Variants in TNRC18 observed in about 807,000 individuals in gnomAD.
The protein encoded by TNRC18 is trinucleotide repeat containing 18.
In TNRC18, 69 loss-of-function variants were observed where a neutral mutation model predicts 226.7. The ratio of observed to expected loss-of-function variants is 0.30; its 90% CI spans 0.25 to 0.37. TNRC18 has a LOEUF of 0.37. Among genes scored for constraint, TNRC18 ranks in the 10% least tolerant of loss-of-function variants. TNRC18 has a pLI of 1.00. For synonymous variants in TNRC18, 2,449 were observed against 1,927.6 expected (o/e 1.27, Z -7.09); for missense variants, 4,754 against 4,256.6 (o/e 1.12, Z -3.25).
intron 2 of TNRC18, 147 bp downstream of exon 2, chr7:5,420,913 C>A (rs1365180380): frequency 1.5e-5 from 15 of 1,031,940 alleles, no homozygotes; most frequent in Admixed American, 2.0e-5. Context: ...CCAGGAGTTT[C>A]CCAGCCCTGG....
At chr7:5,350,866 C>T (rs780470670) in intron 17 of TNRC18, among the ~76,000 whole-genome samples, 4 of 152,158 alleles carry the variant, frequency 2.6e-5, no homozygotes, top group African/African-American at 9.7e-5. Flanking sequence ...GATGCGGCAA[C>T]GGAGCCGCTT....
At chr7:5,330,034 A>G in intron 19 of TNRC18, 1 of 470,434 alleles carries the variant, frequency 2.1e-6, no homozygotes, top group South Asian at 1.6e-5. Flanking sequence ...ATCACCCCAC[A>G]TCTCAGCATC....
At chr7:5,334,785 T>C (rs945720937) in intron 18 of TNRC18, among the ~76,000 whole-genome samples, 1 of 152,004 alleles carries the variant, frequency 6.6e-6, no homozygotes, top group Non-Finnish European at 1.5e-5. Context: ...CCATTGTGTA[T>C]GGTGCAGGGA....
At position 5,357,114 on chromosome 7, in the gene TNRC18, A is replaced by G. The variant is rs1482203389; in HGVS notation, c.4996T>C (p.Leu1666=). 4.5e-6 allele frequency: 7 copies of G among 1,553,312 alleles called. No individual in the cohort carries two copies. Among genetic ancestry groups the G allele is most frequent in the East Asian group, 2.4e-5 (1 of 41,128 alleles). ...SKTSGGCGRY[L]TPYDSLLGKN... Reference sequence around the variant, plus strand: ...CCCAGCAGGCTGTCGTAAGGAGTCAAGTACCTGCCGCAGCCCCCGCTAGTT... The same window carrying G: ...CCCAGCAGGCTGTCGTAAGGAGTCAGGTACCTGCCGCAGCCCCCGCTAGTT... The change falls in exon 16 of 30, where the codon TTG becomes CTG. Residue 1666 remains leucine, a synonymous_variant. Transcript: ENST00000430969.
intron 18 of TNRC18, among the ~76,000 whole-genome samples, chr7:5,339,229 C>CTT (rs199794938): frequency 2.4e-4 from 34 of 142,608 alleles, no homozygotes; most frequent in East Asian, 4.1e-4. Context: ...CTTTTTTTTT[C>CTT]TTTTTTTTTT....
intron 27 of TNRC18, among the ~76,000 whole-genome samples, chr7:5,311,329 G>A (rs891133660): frequency 1.3e-5 from 2 of 152,268 alleles, no homozygotes; most frequent in African/African-American, 4.8e-5. Context: ...CAGGGCACAC[G>A]GGACCCCGAC....
rs760547828 is a variant in TNRC18, at chr7:5,332,640, G to C, written c.6129C>G (p.Asp2043Glu). The C allele has an allele frequency of 6.7e-5, 103 of 1,531,630 alleles. No individual in the cohort carries two copies. Among genetic ancestry groups the C allele is most frequent in the Non-Finnish European group, 8.7e-5 (99 of 1,140,968 alleles). The allele number at this position is 1,531,630 out of a possible 1,614,324, so 94.9% of individuals were successfully genotyped here. A position where few individuals can be genotyped will look rare whatever the true frequency, so the allele number is the denominator to read the frequency against. The change falls in exon 19 of 30, where the codon GAC (aspartate) becomes GAG (glutamate). Residue 2043 changes from aspartate (D) to glutamate (E), a missense_variant. Physicochemically the swap from Asp to Glu is conservative, Grantham distance 45 (BLOSUM62 2). Coordinates refer to ENST00000430969, the MANE Select transcript of TNRC18 (RefSeq NM_001080495.3). ...CCCCTACCTTCCTGGGGTCCTTCCT[G>C]TCCTTTGCACGCCCGGCGTCCTTGC... is the stretch of plus-strand genomic sequence containing the variant. ...SPRKDAGRAKDRKDPRKKKKG... is the reference protein window; with the variant it reads ...SPRKDAGRAKERKDPRKKKKG...
intron 5 of TNRC18, among the ~76,000 whole-genome samples, chr7:5,386,574 C>CAAA (rs113287458): frequency 7.6e-4 from 101 of 133,056 alleles, no homozygotes; most frequent in African/African-American, 2.5e-3. Context: ...ACTCTGTCTC[C>CAAA]AAAAAAAAAA....
At chr7:5,334,116 A>G (rs1441669466) in intron 18 of TNRC18, among the ~76,000 whole-genome samples, 4 of 152,134 alleles carry the variant, frequency 2.6e-5, no homozygotes, top group Non-Finnish European at 5.9e-5. Flanking sequence ...GGTCTGCCTT[A>G]AATCCTCCAG....
chr7:5,321,339 T>C (rs1788337282), intron 21 of TNRC18, 149 bp from the exon 22 acceptor site: 2 of 595,070 alleles, frequency 3.4e-6, no homozygotes, highest in South Asian at 3.8e-5. Context: ...CTTCTTCGTC[T>C]GCCTGTGTGT....
In TNRC18 at chr7:5,421,089, A is replaced by G; in HGVS notation, c.158T>C (p.Met53Thr). 3 of 1,490,968 alleles carry G rather than the reference A, an allele frequency of 2.0e-6. No individual in the cohort carries two copies. The highest frequency in any genetic ancestry group is 2.7e-6 in the Non-Finnish European group (3 of 1,111,102). 92.4% of individuals were successfully genotyped at this position (1,490,968 alleles called of 1,614,324 possible). Reference sequence around the variant, plus strand: ...GTGCGGATGGAGATTCAGGCCGGCCATGTACTTCCCGGGCGGCAGCGGGCC... The same window carrying G: ...GTGCGGATGGAGATTCAGGCCGGCCGTGTACTTCCCGGGCGGCAGCGGGCC... ...LPGPLPPGKY[M>T]AGLNLHPHPG... Residue 53 changes from methionine (M) to threonine (T), a missense_variant, in exon 2 of 30, where the codon ATG becomes ACG. Coordinates refer to ENST00000430969, the MANE Select transcript of TNRC18 (RefSeq NM_001080495.3).
intron 19 of TNRC18, among the ~76,000 whole-genome samples, chr7:5,327,378 T>TGC (rs1381408049): frequency 3.5e-4 from 33 of 93,736 alleles, no homozygotes; most frequent in East Asian, 2.5e-3. Flanking sequence ...TGTGCGTGTG[T>TGC]GTGTGTGTGT....
chr7:5,307,613 G>T lies in TNRC18; in HGVS notation c.*493C>A, dbSNP rs754046580. ...CTGGCACAGTCAGGTAGGCCAGCTG[G>T]CATCGGGCTGCCCTGTCCCATGCAC... On this transcript the variant is annotated 3_prime_UTR_variant, in exon 30 of 30. Coordinates refer to ENST00000430969, the MANE Select transcript of TNRC18 (RefSeq NM_001080495.3). 2.3e-6 allele frequency: 1 copy of T among 441,624 alleles called. No individual in the cohort carries two copies. The highest frequency in any genetic ancestry group is 1.6e-5 in the South Asian group (1 of 62,394). 27.4% of individuals were successfully genotyped at this position (441,624 alleles called of 1,614,324 possible).
intron 2 of TNRC18, chr7:5,420,707 G>T (rs1380061591): frequency 9.4e-6 from 5 of 532,768 alleles, no homozygotes; most frequent in Non-Finnish European, 1.4e-5. Flanking sequence ...GTCTCGCGGG[G>T]TGCGGGGGCC....
intron 2 of TNRC18, among the ~76,000 whole-genome samples, chr7:5,404,442 AG>A: frequency 6.6e-6 from 1 of 152,354 alleles, no homozygotes; most frequent in South Asian, 2.1e-4. Flanking sequence ...CGAAATTTCA[AG>A]GCCATTAGCA....
chr7:5,314,051 T>G (rs993769156), intron 26 of TNRC18, among the ~76,000 whole-genome samples, 188 bp from the exon 27 acceptor site: 2 of 151,960 alleles, frequency 1.3e-5, no homozygotes, highest in Non-Finnish European at 2.9e-5. Flanking sequence ...CTAACCTGCC[T>G]GGGCTCATGT....
chr7:5,326,915 G>A (rs758907491), intron 19 of TNRC18, among the ~76,000 whole-genome samples: 81 of 152,012 alleles, frequency 5.3e-4, no homozygotes, highest in Non-Finnish European at 2.6e-4. Flanking sequence ...ACGAGGTCAG[G>A]AGATCGAGAC....
intron 11 of TNRC18, among the ~76,000 whole-genome samples, chr7:5,368,474 C>T (rs772214026): frequency 2.6e-5 from 4 of 151,884 alleles, no homozygotes; most frequent in African/African-American, 7.3e-5. Context: ...ACCAGCCTGG[C>T]CAACATGGTG....
At chr7:5,372,746 C>G (rs950532417) in intron 10 of TNRC18, among the ~76,000 whole-genome samples, 3 of 152,056 alleles carry the variant, frequency 2.0e-5, no homozygotes, top group Non-Finnish European at 4.4e-5. Flanking sequence ...GCAGGGCTAG[C>G]TGCAGTGGTC....
Sources: allele counts gnomAD v4.1 joint callset (sites outside exome capture counted in the v4.1 genomes callset), GRCh38; gene constraint gnomAD v4.1.1; transcripts MANE v1.5; gene names NCBI Gene and HGNC (gene_info 2026-07-23, HGNC 2026-07-21).